SNX5: variants seen among roughly 807,000 people sequenced by gnomAD.
The protein encoded by SNX5 is sorting nexin-5.
In SNX5, 31 loss-of-function variants were observed where a neutral mutation model predicts 53.9. The observed-to-expected ratio is 0.58, with a 90% CI of 0.43 to 0.78. SNX5 has a LOEUF of 0.78. Ranked by LOEUF, SNX5 falls within the 30% of genes least tolerant of loss-of-function variation. The pLI, the probability that SNX5 is intolerant of heterozygous loss-of-function variation, is 0.00. For missense variants in SNX5, 471 were observed against 478.8 expected (o/e 0.98, Z 0.15); for synonymous variants, 168 against 171.1 (o/e 0.98, Z 0.14).
In SNX5 at chr20:17,968,359, G is replaced by A. The variant is rs987952014; in HGVS notation, c.51+16C>T. ...AGGGCCGCCCGCCCAGGAGTCTGAG[G>A]CTGGGAGGACCTCACCTTGCTGCGG... On this transcript the variant is annotated intron_variant, in intron 1 of 12. Coordinates refer to ENST00000377759, the MANE Select transcript of SNX5 (RefSeq NM_014426.4). 277 of 1,265,840 alleles carry A rather than the reference G, an allele frequency of 2.2e-4. No homozygotes were observed. Among genetic ancestry groups the A allele is most frequent in the Non-Finnish European group, 2.6e-4 (260 of 1,001,398 alleles). 78.4% of individuals were successfully genotyped at this position (1,265,840 alleles called of 1,614,324 possible).
chr20:17,949,428 G>A (rs936688403), intron 8 of SNX5, among the ~76,000 whole-genome samples: 4 of 152,180 alleles, frequency 2.6e-5, no homozygotes, highest in African/African-American at 9.7e-5. Flanking sequence ...TCACAAAGCA[G>A]TAAATATGCT....
rs548223667 is a variant in SNX5, at chr20:17,968,769, T to G, written c.-344A>C. On this transcript the variant is annotated 5_prime_UTR_variant, in exon 1 of 13. Coordinates refer to ENST00000377759, the MANE Select transcript of SNX5 (RefSeq NM_014426.4). ...CACGGACGGGAAGCAACGGACACTC[T>G]CCCAGCAAGACGCGTCTAGAGAAAG... 3 of 334,602 alleles carry G rather than the reference T, an allele frequency of 9.0e-6. No individual in the cohort carries two copies. Among genetic ancestry groups the G allele is most frequent in the Non-Finnish European group, 1.7e-5 (3 of 180,336 alleles). 20.7% of individuals were successfully genotyped at this position (334,602 alleles called of 1,614,324 possible).
At chr20:17,953,263 G>A (rs1460430927) in intron 4 of SNX5, among the ~76,000 whole-genome samples, 1 of 152,214 alleles carries the variant, frequency 6.6e-6, no homozygotes, top group Non-Finnish European at 1.5e-5. Flanking sequence ...AGATGACACA[G>A]GGGTTTGGAG....
chr20:17,942,902 A>T (rs1600328645), intron 12 of SNX5: 2 of 484,846 alleles, frequency 4.1e-6, no homozygotes, highest in East Asian at 6.8e-5. Flanking sequence ...TATTAAAAAA[A>T]AAAAAAAAAA....
rs114384791 is a variant in SNX5 at position 17,955,839 on chromosome 20, G to A, written c.157-364C>T. Among the ~76,000 whole-genome samples, 1,144 of 152,300 alleles carry A rather than the reference G, an allele frequency of 7.5e-3. 12 individuals carry two copies. The highest frequency in any genetic ancestry group is 0.026 in the African/African-American group (1,083 of 41,558). On this transcript the variant is annotated intron_variant, in intron 2 of 12. Coordinates refer to ENST00000377759, the MANE Select transcript of SNX5 (RefSeq NM_014426.4). ...GTCTGGCTGTCACCCAGGCTGGAGT[G>A]CAGTGGAATGATCTTGGCTTCTTGG...
chr20:17,967,359 C>G (rs995738479), intron 1 of SNX5, among the ~76,000 whole-genome samples: 1 of 151,796 alleles, frequency 6.6e-6, no homozygotes, highest in Non-Finnish European at 1.5e-5. Flanking sequence ...AAAAACCACT[C>G]TAAACAACAC....
chr20:17,944,446 T>C (rs1413243635), intron 11 of SNX5: 3 of 152,232 alleles, frequency 2.0e-5, no homozygotes, highest in Non-Finnish European at 2.9e-5. Flanking sequence ...AAAATAAAAC[T>C]TAAAACATTT....
At chr20:17,965,744 T>TAA (rs2035526881) in intron 1 of SNX5, among the ~76,000 whole-genome samples, 1 of 151,908 alleles carries the variant, frequency 6.6e-6, no homozygotes, top group African/African-American at 2.4e-5. Context: ...AATGACCTTT[T>TAA]AGAGTATTCA....
At chr20:17,954,627 G>A (rs7268634) in intron 3 of SNX5, among the ~76,000 whole-genome samples, 27,896 of 152,050 alleles carry the variant, frequency 0.18, 3,370 homozygotes, top group African/African-American at 0.35. Context: ...AGGACAAAAC[G>A]CGTGGAAATC....
At chr20:17,967,963 G>A (rs551506747) in intron 1 of SNX5, 1 of 397,680 alleles carries the variant, frequency 2.5e-6, no homozygotes, top group Non-Finnish European at 4.4e-6. Context: ...TCAGTAAAAG[G>A]TGGGGGGAAG....
Position 17,952,180 on chromosome 20 carries a change from G to A in SNX5, c.513+407C>T, listed in dbSNP as rs532258120. Among the ~76,000 whole-genome samples, 6 of 152,198 alleles carry A rather than the reference G, an allele frequency of 3.9e-5. No homozygotes were observed. In the East Asian group the frequency reaches 9.6e-4, roughly 24 times the overall value. On this transcript the variant is annotated intron_variant, in intron 5 of 12. Transcript: ENST00000377759. ...GGAGCTTGCAGTAAGCCGAGATCGCGCCACTGCACTCCAGCCTGGATGACA... is the reference window on the plus strand; with the variant it reads ...GGAGCTTGCAGTAAGCCGAGATCGCACCACTGCACTCCAGCCTGGATGACA...
intron 1 of SNX5, among the ~76,000 whole-genome samples, chr20:17,959,792 T>C (rs2035419603): frequency 6.6e-6 from 1 of 152,200 alleles, no homozygotes; most frequent in African/African-American, 2.4e-5. Context: ...AAGCATCAAG[T>C]GTGACCAAAA....
Position 17,948,956 on chromosome 20 carries a change from T to C in SNX5, c.852A>G (p.Ser284=), listed in dbSNP as rs746787153. The part of the protein sequence containing the change: ...EKLRKVEGRV[S]SDEDLKLTEL... ...CTGTTAGCTTCAAATCTTCATCTGA[T>C]GAAACTCGACCCTCTACTTTCTATA... The change falls in exon 10 of 13, where the codon TCA becomes TCG. Residue 284 remains serine (S), a synonymous_variant. Coordinates refer to ENST00000377759, the MANE Select transcript of SNX5 (RefSeq NM_014426.4). The C allele has an allele frequency of 3.2e-5, 51 of 1,612,440 alleles. No homozygotes were observed. Among genetic ancestry groups the C allele is most frequent in the Non-Finnish European group, 4.2e-5 (50 of 1,179,894 alleles).
chr20:17,961,933 A>G (rs1252282073), intron 1 of SNX5: 2 of 982,806 alleles, frequency 2.0e-6, no homozygotes, highest in African/African-American at 3.5e-5. Flanking sequence ...AAATTCAAAG[A>G]TGTTCTGTCA....
At chr20:17,945,768 T>C (rs1323885249) in intron 11 of SNX5, among the ~76,000 whole-genome samples, 1 of 152,212 alleles carries the variant, frequency 6.6e-6, no homozygotes, top group East Asian at 1.9e-4. Flanking sequence ...CATTGTATTA[T>C]AATCCTGAAT....
At chr20:17,944,367 A>C (rs1402403937) in intron 11 of SNX5, 2 of 152,240 alleles carry the variant, frequency 1.3e-5, no homozygotes, top group Non-Finnish European at 2.9e-5. Flanking sequence ...TGATCTAATA[A>C]TTTCACATTA....
intron 2 of SNX5, among the ~76,000 whole-genome samples, 191 bp from the exon 3 acceptor site, chr20:17,955,666 C>T (rs2035340843): frequency 6.6e-6 from 1 of 152,232 alleles, no homozygotes; most frequent in Non-Finnish European, 1.5e-5. Context: ...AACGATTTCT[C>T]CCCAAACTCC....
chr20:17,962,500 G>GC (rs1448181283), intron 1 of SNX5, among the ~76,000 whole-genome samples: 5 of 151,854 alleles, frequency 3.3e-5, no homozygotes, highest in Non-Finnish European at 7.4e-5. Flanking sequence ...ACCGCGCCCA[G>GC]CCCAACTCTG....
intron 1 of SNX5, chr20:17,961,073 G>C: frequency 3.2e-6 from 3 of 925,846 alleles, no homozygotes; most frequent in Non-Finnish European, 3.9e-6. Flanking sequence ...AGTGCTTTTG[G>C]TAAGAGAGCC....
Sources: gnomAD v4.1 joint callset for allele counts (sites outside exome capture counted in the v4.1 genomes callset) on GRCh38, gnomAD v4.1.1 for gene constraint, MANE v1.5 for transcripts, NCBI Gene and HGNC (gene_info 2026-07-23, HGNC 2026-07-21) for gene names.